The following XAF1 variants were observed in gnomAD, a reference collection of about 807,000 sequenced individuals.
The protein encoded by XAF1 is XIAP associated factor 1.
Under a neutral mutation model 32.3 loss-of-function variants are expected in XAF1, and 32 were observed. The ratio of observed to expected loss-of-function variants is 0.99; its 90% CI spans 0.75 to 1.33. The LOEUF (loss-of-function observed/expected upper bound fraction) is 1.33. XAF1 is among the 40% of genes most tolerant of loss of function. The pLI, the probability that XAF1 is intolerant of heterozygous loss-of-function variation, is 0.00. For synonymous variants in XAF1, 120 were observed against 125.9 expected, an observed-to-expected ratio of 0.95 and a Z score of 0.31; for missense variants, 379 against 366.0, an observed-to-expected ratio of 1.04 and a Z score of -0.29.
intron 3 of XAF1, among the ~76,000 whole-genome samples, chr17:6,760,083 C>T (rs996326776): frequency 1.3e-5 from 2 of 152,190 alleles, no homozygotes; most frequent in Non-Finnish European, 2.9e-5. Context: ...GGCGCAGTGG[C>T]ACACGCCTGT....
At chr17:6,765,875 C>T (rs1465575552) in intron 5 of XAF1, among the ~76,000 whole-genome samples, 1 of 152,220 alleles carries the variant, frequency 6.6e-6, no homozygotes, top group Non-Finnish European at 1.5e-5. Context: ...GATCTCTGTA[C>T]TGATTCTTGC....
At chr17:6,765,099 C>A (rs1441786140) in intron 5 of XAF1, among the ~76,000 whole-genome samples, 1 of 152,154 alleles carries the variant, frequency 6.6e-6, no homozygotes, top group Non-Finnish European at 1.5e-5. Context: ...TTATTTCATC[C>A]TACCTCCTGA....
At chr17:6,767,165 A>G (rs1313044109) in intron 5 of XAF1, among the ~76,000 whole-genome samples, 2 of 152,228 alleles carry the variant, frequency 1.3e-5, no homozygotes, top group Admixed American at 1.3e-4. Context: ...TCTGTATTCT[A>G]TAAGTATGTA....
intron 6 of XAF1, 143 bp downstream of exon 6, chr17:6,771,127 T>C (rs1357901886): frequency 1.2e-6 from 1 of 813,390 alleles, no homozygotes; most frequent in East Asian, 2.7e-5. Flanking sequence ...GGTGCCCAAA[T>C]GCACTATCTC....
In XAF1 at chr17:6,759,497, C is replaced by T. The variant is rs780668402; in HGVS notation, c.169-165C>T. 13 of 1,453,738 alleles carry T rather than the reference C, an allele frequency of 8.9e-6. No homozygotes were observed. The East Asian group carries it at 1.2e-4, about 14-fold the overall frequency. The allele number at this position is 1,453,738 out of a possible 1,614,324, so 90.1% of individuals were successfully genotyped here. On this transcript the variant is annotated intron_variant, in intron 2 of 6. Coordinates refer to ENST00000361842, the MANE Select transcript of XAF1 (RefSeq NM_017523.5). Reference sequence around the variant, plus strand: ...TGACAAACACTTCTTGAACACTGGGCGGGGTGCTAGAGAGACACTGAGGTA... The same window carrying T: ...TGACAAACACTTCTTGAACACTGGGTGGGGTGCTAGAGAGACACTGAGGTA...
Position 6,770,937 on chromosome 17 carries a change from T to C in XAF1, c.802T>C (p.Ser268Pro). 1 of 1,614,096 alleles carries C rather than the reference T, an allele frequency of 6.2e-7. No individual in the cohort carries two copies. Among genetic ancestry groups the C allele is most frequent in the Middle Eastern group, 1.6e-4 (1 of 6,062 alleles). The change falls in exon 6 of 7, where the codon TCT (serine) becomes CCT (proline). Residue 268 changes from serine (S) to proline (P), a missense_variant. Physicochemically the swap from Ser to Pro is moderately conservative, Grantham distance 74. Transcript: ENST00000361842. ...AGCCTATGACATTCTGAGGAGATGT[T>C]CTCAGTGTGGCATCCTGCTTCCCCT... The part of the protein sequence containing the change: ...KAAYDILRRC[S>P]QCGILLPLPI...
chr17:6,761,079 G>A (rs961058550), intron 4 of XAF1, among the ~76,000 whole-genome samples: 12 of 152,158 alleles, frequency 7.9e-5, no homozygotes, highest in Non-Finnish European at 1.3e-4. Context: ...ACTTGAACCC[G>A]GTAGGCGGAG....
At chr17:6,758,469 G>T in intron 2 of XAF1, 1 of 582,632 alleles carries the variant, frequency 1.7e-6, no homozygotes, top group East Asian at 3.2e-5. Flanking sequence ...CAAGTGTTCA[G>T]TCCTCTCTGC....
chr17:6,759,103 G>A (rs1597718003), intron 2 of XAF1: 1 of 1,009,206 alleles, frequency 9.9e-7, no homozygotes, highest in Non-Finnish European at 1.2e-6. Context: ...TAAGGCAAGG[G>A]TCCAGTCCCC....
chr17:6,757,262 C>G (rs1214054178), intron 1 of XAF1: 3 of 152,370 alleles, frequency 2.0e-5, no homozygotes, highest in Non-Finnish European at 4.4e-5. Flanking sequence ...CTCGGCCTCC[C>G]AAAGTGCTGG....
intron 2 of XAF1, 170 bp from the exon 3 acceptor site, chr17:6,759,492 C>T (rs1974999725): frequency 6.9e-7 from 1 of 1,447,460 alleles, no homozygotes; most frequent in African/African-American, 1.4e-5. Flanking sequence ...TTCTTGAACA[C>T]TGGGCGGGGT....
intron 1 of XAF1, among the ~76,000 whole-genome samples, chr17:6,756,445 A>G (rs576715271): frequency 6.6e-6 from 1 of 151,978 alleles, no homozygotes; most frequent in Admixed American, 6.6e-5. Flanking sequence ...TTCTGATACT[A>G]TGACCTTCAC....
At chr17:6,757,823 C>T (rs528538945) in intron 1 of XAF1, among the ~76,000 whole-genome samples, 3 of 152,180 alleles carry the variant, frequency 2.0e-5, no homozygotes, top group African/African-American at 7.2e-5. Context: ...TCCCCATGCC[C>T]CTTTGTAATT....
upstream of XAF1, chr17:6,756,029 C>A: frequency 6.2e-7 from 1 of 1,613,452 alleles, no homozygotes; most frequent in South Asian, 1.1e-5. Context: ...AGTTTTGTTT[C>A]CTTGCCTGCA....
At chr17:6,764,710 C>G (rs1433064848) in intron 5 of XAF1, among the ~76,000 whole-genome samples, 1 of 151,956 alleles carries the variant, frequency 6.6e-6, no homozygotes, top group Non-Finnish European at 1.5e-5. Flanking sequence ...TATAAGCTAC[C>G]ATCTTGTTTC....
chr17:6,755,524 C>A (rs1974600596), upstream of XAF1: 5 of 991,700 alleles, frequency 5.0e-6, no homozygotes, highest in Non-Finnish European at 6.0e-6. Context: ...CAGGAGGATA[C>A]ACACCAGATT....
At chr17:6,767,965 C>T (rs949996431) in intron 5 of XAF1, among the ~76,000 whole-genome samples, 1 of 152,118 alleles carries the variant, frequency 6.6e-6, no homozygotes, top group Admixed American at 6.5e-5. Flanking sequence ...GATTTGAGAA[C>T]ATGTTAACAC....
intron 6 of XAF1, chr17:6,771,725 T>C (rs1976048390): frequency 6.6e-6 from 1 of 152,204 alleles, no homozygotes; most frequent in Non-Finnish European, 1.5e-5. Flanking sequence ...CCAGATTAAA[T>C]GCCTTACTTA....
chr17:6,764,115 T>C (rs1003315820), intron 5 of XAF1, among the ~76,000 whole-genome samples: 2 of 152,252 alleles, frequency 1.3e-5, no homozygotes, highest in African/African-American at 2.4e-5. Flanking sequence ...ATTTTAGTTC[T>C]GCTGTGCCCC....
Sources: gnomAD v4.1 joint callset for allele counts (sites outside exome capture counted in the v4.1 genomes callset) on GRCh38, gnomAD v4.1.1 for gene constraint, MANE v1.5 for transcripts, NCBI Gene and HGNC (gene_info 2026-07-23, HGNC 2026-07-21) for gene names.